Variants in TRIP12 observed in about 807,000 individuals in gnomAD.
TRIP12 encodes E3 ubiquitin-protein ligase TRIP12.
Under a neutral mutation model 244.2 loss-of-function variants are expected in TRIP12, and 25 were observed. That is an observed-to-expected ratio of 0.10 (90% CI 0.07 to 0.14). TRIP12 has a LOEUF of 0.14. Among genes scored for constraint, TRIP12 ranks in the 10% least tolerant of loss-of-function variants. The probability of loss-of-function intolerance (pLI) is 1.00; values close to 1 mark genes in which losing one functional copy is unlikely to be tolerated. For missense variants in TRIP12, 1,677 were observed against 2,486.4 expected, an observed-to-expected ratio of 0.67 and a Z score of 6.92; for synonymous variants, 905 against 873.1, an observed-to-expected ratio of 1.04 and a Z score of -0.64.
At chr2:229,890,284 T>C (rs1379364680) in intron 1 of TRIP12, among the ~76,000 whole-genome samples, 2 of 152,134 alleles carry the variant, frequency 1.3e-5, no homozygotes, top group African/African-American at 4.8e-5. Context: ...TTCACCATGT[T>C]GGCCAGGCTG....
intron 9 of TRIP12, among the ~76,000 whole-genome samples, chr2:229,817,624 G>T (rs2048830418): frequency 6.6e-6 from 1 of 152,122 alleles, no homozygotes; most frequent in East Asian, 1.9e-4. Flanking sequence ...CTGTTGCCCA[G>T]GCTGGAGTGC....
chr2:229,883,870 C>A (rs556505698), intron 1 of TRIP12, among the ~76,000 whole-genome samples: 33 of 152,070 alleles, frequency 2.2e-4, no homozygotes, highest in Non-Finnish European at 4.4e-4. Context: ...CAAAAACAAT[C>A]GGCTGGGCGC....
intron 6 of TRIP12, among the ~76,000 whole-genome samples, chr2:229,831,413 T>C (rs1450559491): frequency 6.6e-6 from 1 of 152,166 alleles, no homozygotes; most frequent in Non-Finnish European, 1.5e-5. Context: ...GGTGGCTCAC[T>C]CCTGTAATAC....
chr2:229,834,370 A>G (rs913591605), intron 6 of TRIP12, among the ~76,000 whole-genome samples: 3 of 152,278 alleles, frequency 2.0e-5, no homozygotes, highest in Non-Finnish European at 4.4e-5. Context: ...AAGCATAAAG[A>G]AAAATAGTTC....
intron 2 of TRIP12, among the ~76,000 whole-genome samples, chr2:229,870,782 T>G (rs2062420972): frequency 6.6e-6 from 1 of 152,200 alleles, no homozygotes; most frequent in African/African-American, 2.4e-5. Flanking sequence ...TGCGGTATAC[T>G]TCTTTCAAAA....
chr2:229,779,362 T>G (rs1458801195), intron 34 of TRIP12, among the ~76,000 whole-genome samples: 1 of 152,148 alleles, frequency 6.6e-6, no homozygotes, highest in East Asian at 1.9e-4. Flanking sequence ...AATGTCACCC[T>G]CTCAAGGGGA....
chr2:229,880,595 TATGTC>T (rs1170030241), intron 1 of TRIP12, among the ~76,000 whole-genome samples: 7 of 152,236 alleles, frequency 4.6e-5, no homozygotes, highest in African/African-American at 1.7e-4. Flanking sequence ...ATTAACAATG[TATGTC>T]ATGTCTTCTT....
chr2:229,806,041 CA>C (rs572920421), intron 17 of TRIP12, 158 bp from the exon 18 acceptor site: 1 of 529,918 alleles, frequency 1.9e-6, no homozygotes, highest in Admixed American at 3.3e-5. Flanking sequence ...GTAGATATGA[CA>C]AAACTCATTC....
At position 229,769,457 on chromosome 2, in the gene TRIP12, C is replaced by CAA. The variant is rs370850855; in HGVS notation, c.5809-134_5809-133dup. Reference sequence around the variant, plus strand: ...AAACCTTCTGCTTGGGACCTCTTTCCAAAAAAAAAAAAATAATAATAAAAT... The same window carrying CAA: ...AAACCTTCTGCTTGGGACCTCTTTCCAAAAAAAAAAAAAAATAATAATAAAAT... On this transcript the variant is annotated intron_variant, in intron 39 of 41. Coordinates refer to ENST00000675903, the MANE Select transcript of TRIP12 (RefSeq NM_001348323.3). The CAA allele has an allele frequency of 5.0e-3, 1,440 of 286,252 alleles. 14 individuals are homozygous for CAA. Among genetic ancestry groups the CAA allele is most frequent in the African/African-American group, 0.034 (1,232 of 36,140 alleles). The allele number at this position is 286,252 out of a possible 1,614,324, so 17.7% of individuals were successfully genotyped here. A position where few individuals can be genotyped will look rare whatever the true frequency, so the allele number is the denominator to read the frequency against.
At chr2:229,808,204 G>T in intron 16 of TRIP12, 48 bp downstream of exon 16, 1 of 1,383,162 alleles carries the variant, frequency 7.2e-7, no homozygotes, top group South Asian at 1.2e-5. Context: ...CTGACCTCGT[G>T]ATTCACCCGC....
intron 1 of TRIP12, among the ~76,000 whole-genome samples, chr2:229,881,268 G>C (rs532413787): frequency 5.3e-5 from 8 of 152,316 alleles, no homozygotes; most frequent in Non-Finnish European, 1.2e-4. Context: ...TCGAAACTCA[G>C]AAAATTAGTT....
chr2:229,888,097 C>T (rs1341782732), intron 1 of TRIP12, among the ~76,000 whole-genome samples: 1 of 152,196 alleles, frequency 6.6e-6, no homozygotes, highest in African/African-American at 2.4e-5. Flanking sequence ...TTGCTATTTA[C>T]ATTCTATAGT....
Position 229,785,624 on chromosome 2 carries a change from C to G in TRIP12, c.5094+133G>C, listed in dbSNP as rs183511765. On this transcript the variant is annotated intron_variant, in intron 34 of 41. Coordinates refer to ENST00000675903, the MANE Select transcript of TRIP12 (RefSeq NM_001348323.3). ...CCTTTGAAAAATGGAGAACTTAGAA[C>G]AAATCATTCAAGAGAAAAGAGAGCA... is the stretch of plus-strand genomic sequence containing the variant. The G allele has an allele frequency of 5.9e-4, 473 of 804,764 alleles. 2 individuals are homozygous for G. Among genetic ancestry groups the G allele is most frequent in the Non-Finnish European group, 7.9e-4 (422 of 537,494 alleles). 49.9% of individuals were successfully genotyped at this position (804,764 alleles called of 1,614,324 possible).
chr2:229,922,255 T>A (rs955719514), upstream of TRIP12: 1 of 501,830 alleles, frequency 2.0e-6, no homozygotes, highest in Non-Finnish European at 3.6e-6. Flanking sequence ...ATCTACTTGG[T>A]ATCCCTCCGC....
intron 2 of TRIP12, among the ~76,000 whole-genome samples, chr2:229,861,241 T>C (rs1360881120): frequency 1.3e-5 from 2 of 152,184 alleles, no homozygotes; most frequent in East Asian, 3.8e-4. Context: ...ATATTTACAA[T>C]AAATCAAATC....
intron 1 of TRIP12, among the ~76,000 whole-genome samples, chr2:229,904,917 T>C (rs2072248373): frequency 6.6e-6 from 1 of 152,158 alleles, no homozygotes; most frequent in Admixed American, 6.5e-5. Flanking sequence ...AGAAACTGGA[T>C]GTGGAGTATA....
chr2:229,801,262 TA>T (rs2044262728), intron 21 of TRIP12, among the ~76,000 whole-genome samples: 1 of 152,114 alleles, frequency 6.6e-6, no homozygotes, highest in Non-Finnish European at 1.5e-5. Flanking sequence ...TTTCCTAAAA[TA>T]ATACCCACTG....
At chr2:229,773,456 T>C (rs2035200408) in intron 38 of TRIP12, 1 of 152,348 alleles carries the variant, frequency 6.6e-6, no homozygotes, top group South Asian at 2.1e-4. Flanking sequence ...CAACCTTGAC[T>C]CACTGTAACT....
chr2:229,764,915 T>C lies in TRIP12; in HGVS notation c.*2639A>G, dbSNP rs2031322990. 6.6e-6 allele frequency: 1 copy of C among 152,184 alleles called. No homozygotes were observed. The highest frequency in any genetic ancestry group is 2.4e-5 in the African/African-American group (1 of 41,426). The allele number at this position is 152,184 out of a possible 1,614,324, so 9.4% of individuals were successfully genotyped here. On this transcript the variant is annotated 3_prime_UTR_variant, in exon 42 of 42. Coordinates refer to ENST00000675903, the MANE Select transcript of TRIP12 (RefSeq NM_001348323.3). Reference sequence around the variant, plus strand: ...AAATGCAGGGAACCAGAGACAAGCATGAGAAGAGAAAAATCTGCGTTTCTT... The same window carrying C: ...AAATGCAGGGAACCAGAGACAAGCACGAGAAGAGAAAAATCTGCGTTTCTT...
Sources: gnomAD v4.1 joint callset for allele counts (sites outside exome capture counted in the v4.1 genomes callset) on GRCh38, gnomAD v4.1.1 for gene constraint, MANE v1.5 for transcripts, NCBI Gene and HGNC (gene_info 2026-07-23, HGNC 2026-07-21) for gene names.